MEP1B: variants seen among roughly 807,000 people sequenced by gnomAD.
MEP1B encodes meprin A subunit beta.
Under a neutral mutation model 84.6 loss-of-function variants are expected in MEP1B, and 80 were observed. That is an observed-to-expected ratio of 0.95 (90% CI 0.79 to 1.14). The LOEUF (loss-of-function observed/expected upper bound fraction) is 1.14, where lower values mean the gene tolerates loss of function less well. Ranked by LOEUF, MEP1B falls within the 50% of genes most tolerant of loss-of-function variation. The pLI is 0.00. For synonymous variants in MEP1B, 273 were observed against 288.1 expected (o/e 0.95, Z 0.53); for missense variants, 766 against 855.1 (o/e 0.90, Z 1.30).
chr18:32,206,429 A>G (rs1374214102), intron 7 of MEP1B, among the ~76,000 whole-genome samples: 6 of 138,978 alleles, frequency 4.3e-5, no homozygotes, highest in African/African-American at 1.6e-4. Context: ...GTTCAACAAC[A>G]CTTTTTTTTT....
Position 32,208,132 on chromosome 18 carries a change from T to G in MEP1B, c.780T>G (p.Ser260Arg). ...TGCTTTTTGTAGCCTCTTCCTTGAG[T>G]TTTATGGACTCGTGCAGTTTTGAAC... The part of the protein sequence containing the change: ...NQLYNCSSSL[S>R]FMDSCSFELE... Residue 260 changes from serine (S) to arginine (R), a missense_variant, in exon 9 of 15, where the codon AGT (serine) becomes AGG (arginine). Physicochemically the swap from Ser to Arg is moderately radical, Grantham distance 110. Coordinates refer to ENST00000269202, the MANE Select transcript of MEP1B (RefSeq NM_005925.3). 9 of 1,613,570 alleles carry G rather than the reference T, an allele frequency of 5.6e-6. No individual in the cohort carries two copies. The highest frequency in any genetic ancestry group is 7.6e-6 in the Non-Finnish European group (9 of 1,179,646).
intron 5 of MEP1B, among the ~76,000 whole-genome samples, chr18:32,201,295 T>C (rs1311382278): frequency 8.2e-6 from 1 of 121,406 alleles, no homozygotes; most frequent in East Asian, 2.2e-4. Context: ...CAGCCATATG[T>C]AGATACACAC....
rs112703073 is a variant in MEP1B at position 32,217,827 on chromosome 18, C to T, written c.1953C>T (p.Asp651=). 9,774 of 1,613,916 alleles carry T rather than the reference C, an allele frequency of 6.1e-3. 402 individuals are homozygous for T. In the African/African-American group the frequency reaches 0.1, roughly 17 times the overall value. The change falls in exon 14 of 15, where the codon GAC becomes GAT. Residue 651 remains aspartate, a synonymous_variant. Transcript: ENST00000269202. The part of the protein sequence containing the change: ...ERCEKRGSTR[D]TIVIAVSSTV... ...GTGAAAAGAGAGGCTCCACCCGAGA[C>T]ACCATAGTCATTGCTGTTTCATCTA...
chr18:32,195,279 CA>C, intron 4 of MEP1B, 127 bp from the exon 5 acceptor site: 3 of 633,354 alleles, frequency 4.7e-6, no homozygotes, highest in Non-Finnish European at 5.7e-6. Flanking sequence ...CACACACACA[CA>C]CACACACACA....
intron 9 of MEP1B, among the ~76,000 whole-genome samples, chr18:32,209,470 G>A (rs114126010): frequency 0.012 from 1,745 of 144,300 alleles, 34 homozygotes; most frequent in African/African-American, 0.044. Flanking sequence ...CTGGACAACA[G>A]AGTAAGACGT....
chr18:32,199,668 G>GTTCCTTCC (rs201128780), intron 5 of MEP1B, among the ~76,000 whole-genome samples: 11,110 of 126,626 alleles, frequency 0.088, 513 homozygotes, highest in African/African-American at 0.1. Context: ...CCTTTCGTTC[G>GTTCCTTCC]TTCCTTCCTT....
chr18:32,207,699 A>G (rs749325227), intron 8 of MEP1B, among the ~76,000 whole-genome samples: 4 of 152,236 alleles, frequency 2.6e-5, no homozygotes, highest in Non-Finnish European at 5.9e-5. Context: ...GTCCTGTAGG[A>G]ATATGCCTCA....
At chr18:32,215,687 G>A (rs1174998470) in intron 12 of MEP1B, among the ~76,000 whole-genome samples, 6 of 152,198 alleles carry the variant, frequency 3.9e-5, no homozygotes, top group Non-Finnish European at 5.9e-5. Flanking sequence ...AGCTGGGCGT[G>A]GTGGCGGGCG....
At chr18:32,214,973 A>T in intron 11 of MEP1B, 109 bp from the exon 12 acceptor site, 1 of 768,162 alleles carries the variant, frequency 1.3e-6, no homozygotes, top group Non-Finnish European at 2.2e-6. Flanking sequence ...AGCATCATTT[A>T]ATTATTTTGA....
At chr18:32,195,575 T>A (rs2040844928) in intron 5 of MEP1B, 90 bp downstream of exon 5, 1 of 842,274 alleles carries the variant, frequency 1.2e-6, no homozygotes, top group African/African-American at 1.7e-5. Context: ...TATATAGTCT[T>A]TAAGGTTTTG....
Position 32,204,300 on chromosome 18 carries a change from G to T in MEP1B, c.487G>T (p.Glu163Ter). ...EFLHALGFWHEQSRSDRDDYV... is the reference protein window; with the variant it reads ...EFLHALGFWH ...CCTCCACGCTCTGGGATTCTGGCAT[G>T]AGCAGTCGCGTTCTGACCGGGATGA... Residue 163 changes from glutamate to a stop codon, truncating the protein, a stop_gained, in exon 7 of 15, where the codon GAG becomes TAG. Coordinates refer to ENST00000269202, the MANE Select transcript of MEP1B (RefSeq NM_005925.3). LOFTEE classifies it high-confidence loss of function. The T allele has an allele frequency of 6.2e-7, 1 of 1,603,924 alleles. No homozygotes were observed. The highest frequency in any genetic ancestry group is 1.7e-5 in the Admixed American group (1 of 58,646).
Position 32,202,936 on chromosome 18 carries a change from T to C in MEP1B, c.294T>C (p.Tyr98=), listed in dbSNP as rs1295933464. ...TTATCCTCAATGCATTTGAACGTTA[T>C]CGCCTTAAAACATGTATTGACTTTA... ...KGVILNAFER[Y]RLKTCIDFKP... is the part of the protein sequence containing the mutation. Residue 98 remains tyrosine (Y), a synonymous_variant, in exon 6 of 15, where the codon TAT becomes TAC. Coordinates refer to ENST00000269202, the MANE Select transcript of MEP1B (RefSeq NM_005925.3). The C allele has an allele frequency of 3.7e-6, 6 of 1,612,946 alleles. No individual in the cohort carries two copies. In the South Asian group the frequency reaches 6.6e-5, roughly 18 times the overall value.
intron 6 of MEP1B, among the ~76,000 whole-genome samples, chr18:32,203,666 C>G (rs964570342): frequency 6.6e-6 from 1 of 152,108 alleles, no homozygotes; most frequent in African/African-American, 2.4e-5. Flanking sequence ...ACCAGGGACT[C>G]GGTAATTTAT....
chr18:32,201,505 A>G (rs1302696452), intron 5 of MEP1B, among the ~76,000 whole-genome samples: 1 of 152,176 alleles, frequency 6.6e-6, no homozygotes, highest in Non-Finnish European at 1.5e-5. Flanking sequence ...GTAATCCTCT[A>G]TTCATTAAAA....
In MEP1B at chr18:32,217,935, C is replaced by T; in HGVS notation, c.2061C>T (p.Ser687=). 1.2e-6 allele frequency: 2 copies of T among 1,613,936 alleles called. No individual in the cohort carries two copies. Among genetic ancestry groups the T allele is most frequent in the Non-Finnish European group, 1.7e-6 (2 of 1,179,866 alleles). ...GGAAGAAATATCGTGAAAGGATGAGCTCAAATCGACCAAATTTGACTCCGC... is the reference window on the plus strand; with the variant it reads ...GGAAGAAATATCGTGAAAGGATGAGTTCAAATCGACCAAATTTGACTCCGC... ...CTRKKYRERM[S]SNRPNLTPQN... Residue 687 remains serine, a synonymous_variant, in exon 14 of 15, where the codon AGC becomes AGT. Transcript: ENST00000269202.
Position 32,192,690 on chromosome 18 carries a change from G to C in MEP1B, c.127G>C (p.Gly43Arg), listed in dbSNP as rs373866785. The change falls in exon 3 of 15, where the codon GGT (glycine) becomes CGT (arginine). Residue 43 changes from glycine (G) to arginine (R), a missense_variant and splice_region_variant. Transcript: ENST00000269202. Reference protein sequence around the residue: ...MDQDIFDINEGLGLDLFEGDI... With the variant: ...MDQDIFDINERLGLDLFEGDI... ...CCAGGACATATTTGATATCAATGAA[G>C]GTTTGTGGATTTTTTTTACATAATC... 1.9e-6 allele frequency: 3 copies of C among 1,613,194 alleles called. No homozygotes were observed. Among genetic ancestry groups the C allele is most frequent in the Non-Finnish European group, 8.5e-7 (1 of 1,179,328 alleles).
Position 32,196,653 on chromosome 18 carries a change from C to G in MEP1B, c.250+1168C>G. ...CCGCCTGATGTTGTCCAGCACGCCA[C>G]CTCGGGGTGTCTTCCCCAAGCACCA... is the stretch of plus-strand genomic sequence containing the variant. On this transcript the variant is annotated intron_variant, in intron 5 of 14. Transcript: ENST00000269202. This position sits in a 1 kb window ranked among gnomAD's most constrained non-coding sequence, Gnocchi z 4.4. 1 of 680,074 alleles carries G rather than the reference C, an allele frequency of 1.5e-6. No individual in the cohort carries two copies. Among genetic ancestry groups the G allele is most frequent in the South Asian group, 1.6e-5 (1 of 63,120 alleles). 42.1% of individuals were successfully genotyped at this position (680,074 alleles called of 1,614,324 possible).
intron 9 of MEP1B, 29 bp downstream of exon 9, chr18:32,208,300 T>C (rs558497626): frequency 6.4e-7 from 1 of 1,568,112 alleles, no homozygotes; most frequent in South Asian, 1.2e-5. Context: ...TCCTAGACTG[T>C]ATACTCAGTG....
intron 1 of MEP1B, 138 bp downstream of exon 1, chr18:32,190,271 G>C (rs148706325): frequency 4.0e-4 from 266 of 666,790 alleles, no homozygotes; most frequent in African/African-American, 3.8e-3. Context: ...TCTTCTTGGA[G>C]ATTAGGGGTG....
Sources: allele counts gnomAD v4.1 joint callset (sites outside exome capture counted in the v4.1 genomes callset), GRCh38; gene constraint gnomAD v4.1.1; non-coding constraint Gnocchi (gnomAD v3.1); transcripts MANE v1.5; gene names NCBI Gene and HGNC (gene_info 2026-07-23, HGNC 2026-07-21).